Variants in FBN2 observed in about 807,000 individuals in gnomAD.
The protein encoded by FBN2 is fibrillin-2.
Under a neutral mutation model 355.6 loss-of-function variants are expected in FBN2, and 105 were observed. That is an observed-to-expected ratio of 0.30 (90% CI 0.25 to 0.35). The LOEUF (loss-of-function observed/expected upper bound fraction) is 0.35. Ranked by LOEUF, FBN2 falls within the 10% of genes least tolerant of loss-of-function variation. The probability of loss-of-function intolerance (pLI) is 1.00; values close to 1 mark genes in which losing one functional copy is unlikely to be tolerated. For missense variants in FBN2, 3,280 were observed against 3,758.7 expected (o/e 0.87, Z 3.33); for synonymous variants, 1,350 against 1,301.2 (o/e 1.04, Z -0.81).
rs376023293 is a variant in FBN2, at chr5:128,261,920, A to G, written c.8193-13T>C. On this transcript the variant is annotated splice_polypyrimidine_tract_variant and intron_variant, in intron 63 of 64. Transcript: ENST00000262464. ...TGAGACACAGTGGCTATTTGCAAAAAGCAAAGTATTGTTAGACTTTATCAC... is the reference window on the plus strand; with the variant it reads ...TGAGACACAGTGGCTATTTGCAAAAGGCAAAGTATTGTTAGACTTTATCAC... 12 of 1,612,280 alleles carry G rather than the reference A, an allele frequency of 7.4e-6. No individual in the cohort carries two copies. The African/African-American group carries it at 1.6e-4, about 22-fold the overall frequency.
chr5:128,301,114 A>T (rs1372161452), intron 47 of FBN2, among the ~76,000 whole-genome samples, 178 bp from the exon 48 acceptor site: 1 of 152,234 alleles, frequency 6.6e-6, no homozygotes, highest in African/African-American at 2.4e-5. Context: ...CTTATTTGGC[A>T]AGTGGCTAAT....
At chr5:128,319,746 T>C (rs1013023202) in intron 34 of FBN2, among the ~76,000 whole-genome samples, 2 of 152,206 alleles carry the variant, frequency 1.3e-5, no homozygotes, top group Admixed American at 6.5e-5. Flanking sequence ...GAGTCTTCCA[T>C]GAGGCTTTAA....
rs200216779 is a variant in FBN2 at position 128,350,981 on chromosome 5, A to C, written c.2699T>G (p.Leu900Arg). 1.2e-6 allele frequency: 2 copies of C among 1,614,200 alleles called. No homozygotes were observed. Among genetic ancestry groups the C allele is most frequent in the East Asian group, 4.5e-5 (2 of 44,866 alleles). The change falls in exon 21 of 65, where the codon CTC (leucine) becomes CGC (arginine). Residue 900 changes from leucine to arginine, a missense_variant. Physicochemically the swap from Leu to Arg is moderately radical, Grantham distance 102. Around this residue, in one of 6 missense-constraint regions of FBN2, gnomAD observed 2,284 missense variants for 2,749.5 expected, o/e 0.83. Coordinates refer to ENST00000262464, the MANE Select transcript of FBN2 (RefSeq NM_001999.4). ...CIDSLKGTCWLNIQDSRCEVN... is the reference protein window; with the variant it reads ...CIDSLKGTCWRNIQDSRCEVN... ...CTCACAGCGGCTGTCCTGGATGTTG[A>C]GCCAACAGGTCCCCTTCAGGCTGTC...
intron 7 of FBN2, among the ~76,000 whole-genome samples, chr5:128,431,091 G>C (rs994819210): frequency 6.6e-6 from 1 of 152,138 alleles, no homozygotes; most frequent in Non-Finnish European, 1.5e-5. Flanking sequence ...TAGTAGAGAA[G>C]ATTAGAAAGA....
At position 128,377,866 on chromosome 5, in the gene FBN2, A is replaced by G; in HGVS notation, c.1735T>C (p.Cys579Arg). 1.2e-6 allele frequency: 2 copies of G among 1,613,390 alleles called. No homozygotes were observed. Among genetic ancestry groups the G allele is most frequent in the Non-Finnish European group, 1.7e-6 (2 of 1,179,434 alleles). ...TKQACIDIDECIQNGVLCKNG... is the reference protein window; with the variant it reads ...TKQACIDIDERIQNGVLCKNG... The stretch of plus-strand genomic sequence containing the variant: ...TTACAAAGAACCCCATTCTGGATGC[A>G]CTCATCAATATCTAGGAAGATTGAG... Residue 579 changes from cysteine (C) to arginine (R), a missense_variant, in exon 13 of 65, where the codon TGC becomes CGC. This residue lies in a region of FBN2 where 2,284 missense variants were observed against 2,749.5 expected (regional missense o/e 0.83). Transcript: ENST00000262464.
intron 11 of FBN2, among the ~76,000 whole-genome samples, 174 bp from the exon 12 acceptor site, chr5:128,379,064 G>A (rs1264897648): frequency 6.6e-6 from 1 of 152,188 alleles, no homozygotes; most frequent in Admixed American, 6.6e-5. Context: ...TCAGAGGCCA[G>A]TTTGAGGATT....
At chr5:128,529,951 T>C (rs1756659894) in intron 3 of FBN2, among the ~76,000 whole-genome samples, 1 of 152,154 alleles carries the variant, frequency 6.6e-6, no homozygotes, top group Non-Finnish European at 1.5e-5. Flanking sequence ...TAGGGAAAAT[T>C]TGAAGAAAGA....
At chr5:128,372,287 G>C (rs936548589) in intron 15 of FBN2, among the ~76,000 whole-genome samples, 1 of 152,150 alleles carries the variant, frequency 6.6e-6, no homozygotes, top group African/African-American at 2.4e-5. Flanking sequence ...GAATGGGAAA[G>C]ATAAAGATAT....
At chr5:128,374,563 A>G in intron 15 of FBN2, 65 bp downstream of exon 15, 1 of 1,600,846 alleles carries the variant, frequency 6.2e-7, no homozygotes, top group South Asian at 1.1e-5. Flanking sequence ...CTGTATAGAA[A>G]TATCTCTGTC....
intron 48 of FBN2, among the ~76,000 whole-genome samples, chr5:128,299,480 T>C (rs139689221): frequency 1.3e-5 from 2 of 148,734 alleles, no homozygotes; most frequent in Non-Finnish European, 3.0e-5. Flanking sequence ...TGAGACTCCA[T>C]GGGCATAGGA....
intron 15 of FBN2, 97 bp from the exon 16 acceptor site, chr5:128,369,431 G>C: frequency 1.6e-6 from 2 of 1,226,418 alleles, no homozygotes; most frequent in Non-Finnish European, 2.3e-6. Flanking sequence ...CACTAGACTG[G>C]AAGCTTTTCA....
intron 36 of FBN2, among the ~76,000 whole-genome samples, chr5:128,316,441 A>C (rs1196172927): frequency 6.6e-6 from 1 of 152,234 alleles, no homozygotes; most frequent in African/African-American, 2.4e-5. Context: ...TTGAGATAGA[A>C]TAAGTCCTTG....
At chr5:128,494,860 T>C (rs1755612815) in intron 5 of FBN2, among the ~76,000 whole-genome samples, 1 of 152,194 alleles carries the variant, frequency 6.6e-6, no homozygotes, top group East Asian at 1.9e-4. Flanking sequence ...TATTTTAATG[T>C]AGAGTTTTCA....
At chr5:128,347,571 G>A (rs1456483479) in intron 23 of FBN2, among the ~76,000 whole-genome samples, 2 of 152,178 alleles carry the variant, frequency 1.3e-5, no homozygotes, top group African/African-American at 4.8e-5. Context: ...CTGAGTTTGG[G>A]ATCCCTGATT....
rs1282646675 is a variant in FBN2 at position 128,530,651 on chromosome 5, G to A, written c.380C>T (p.Pro127Leu). The A allele has an allele frequency of 6.2e-7, 1 of 1,613,304 alleles. No individual in the cohort carries two copies. The highest frequency in any genetic ancestry group is 1.1e-5 in the South Asian group (1 of 91,062). Residue 127 changes from proline to leucine, a missense_variant, in exon 3 of 65, where the codon CCT (proline) becomes CTT (leucine). By Grantham distance (98) the Pro-to-Leu change is moderately conservative. Coordinates refer to ENST00000262464, the MANE Select transcript of FBN2 (RefSeq NM_001999.4). Reference protein sequence around the residue: ...NSCGDGFCSRPNMCTCSSGQI... With the variant: ...NSCGDGFCSRLNMCTCSSGQI... Reference sequence around the variant, plus strand: ...CCCACTGGAACAAGTACACATGTTAGGACGGGAACAAAATCCATCTCCACA... The same window carrying A: ...CCCACTGGAACAAGTACACATGTTAAGACGGGAACAAAATCCATCTCCACA...
chr5:128,369,413 T>G, intron 15 of FBN2, 79 bp from the exon 16 acceptor site: 1 of 1,448,388 alleles, frequency 6.9e-7, no homozygotes. Flanking sequence ...TCTTTTAACC[T>G]AAGTGGCCAC....
chr5:128,474,051 G>C (rs1305459616), intron 5 of FBN2, among the ~76,000 whole-genome samples: 1 of 152,160 alleles, frequency 6.6e-6, no homozygotes, highest in Non-Finnish European at 1.5e-5. Context: ...TTAGGTGCTG[G>C]CCAGTGATGC....
intron 18 of FBN2, among the ~76,000 whole-genome samples, chr5:128,364,179 G>A (rs1751709198): frequency 6.6e-6 from 1 of 151,998 alleles, no homozygotes; most frequent in South Asian, 2.1e-4. Flanking sequence ...CTTTGTCTTA[G>A]TTGTCATGTT....
chr5:128,319,391 TTA>T (rs1317144075), intron 34 of FBN2, among the ~76,000 whole-genome samples: 1 of 151,940 alleles, frequency 6.6e-6, no homozygotes, highest in Non-Finnish European at 1.5e-5. Context: ...AGCAGACATT[TTA>T]TAGTTAATAA....
Sources: gnomAD v4.1 joint callset for allele counts (sites outside exome capture counted in the v4.1 genomes callset) on GRCh38, gnomAD v4.1.1 for gene constraint, gnomAD v4.1.1 regional missense constraint, MANE v1.5 for transcripts, NCBI Gene and HGNC (gene_info 2026-07-23, HGNC 2026-07-21) for gene names.